Variants in PPP6R2 observed in about 807,000 individuals in gnomAD.
PPP6R2 encodes the protein protein phosphatase 6 regulatory subunit 2, also known as serine/threonine-protein phosphatase 6 regulatory subunit 2.
Under a neutral mutation model 100.2 loss-of-function variants are expected in PPP6R2, and 62 were observed. The observed-to-expected ratio is 0.62, with a 90% CI of 0.50 to 0.76. The LOEUF is 0.76. Among genes scored for constraint, PPP6R2 ranks in the 30% least tolerant of loss-of-function variants. The pLI, the probability that PPP6R2 is intolerant of heterozygous loss-of-function variation, is 0.00. For missense variants in PPP6R2, 1,142 were observed against 1,276.3 expected, an observed-to-expected ratio of 0.89 and a Z score of 1.60; for synonymous variants, 525 against 514.7, an observed-to-expected ratio of 1.02 and a Z score of -0.27.
At position 50,416,303 on chromosome 22, in the gene PPP6R2, A is replaced by G. The variant is rs970923563; in HGVS notation, c.618+146A>G. 36 of 645,872 alleles carry G rather than the reference A, an allele frequency of 5.6e-5. No homozygotes were observed. The Middle Eastern group carries it at 1.3e-3, about 24-fold the overall frequency. The allele number at this position is 645,872 out of a possible 1,614,324, so 40.0% of individuals were successfully genotyped here. ...TTAGGTACTTTTCTTTCTTTAATCA[A>G]GCACTGACTTCTAGGCTGGATTTTT... On this transcript the variant is annotated intron_variant, in intron 6 of 23. Coordinates refer to ENST00000612753, the MANE Select transcript of PPP6R2 (RefSeq NM_001242898.2).
intron 1 of PPP6R2, among the ~76,000 whole-genome samples, chr22:50,370,724 C>G (rs755145291): frequency 6.6e-6 from 1 of 151,882 alleles, no homozygotes; most frequent in African/African-American, 2.4e-5. Flanking sequence ...ACCTCTGCCT[C>G]CCGGGTTCAA....
intron 2 of PPP6R2, among the ~76,000 whole-genome samples, chr22:50,381,782 C>T (rs2053096376): frequency 6.6e-6 from 1 of 151,962 alleles, no homozygotes; most frequent in Non-Finnish European, 1.5e-5. Flanking sequence ...GTGGCGGGCT[C>T]CCGTAGTCCC....
intron 9 of PPP6R2, 35 bp downstream of exon 9, chr22:50,422,415 A>G: frequency 6.2e-7 from 1 of 1,609,592 alleles, no homozygotes; most frequent in Non-Finnish European, 8.5e-7. Context: ...GTGCCTTTGG[A>G]GGCGTCGCAG....
At chr22:50,357,314 G>C (rs180722556) in intron 1 of PPP6R2, among the ~76,000 whole-genome samples, 154 of 152,252 alleles carry the variant, frequency 1.0e-3, no homozygotes, top group African/African-American at 3.6e-3. Context: ...TACATACATA[G>C]TGAGGGGAGG....
chr22:50,361,486 A>G (rs1045744166), intron 1 of PPP6R2, among the ~76,000 whole-genome samples: 2 of 152,222 alleles, frequency 1.3e-5, no homozygotes, highest in East Asian at 1.9e-4. Context: ...CTGGAACCCT[A>G]AAGGCAGTTT....
At chr22:50,403,328 T>G (rs1239282302) in intron 3 of PPP6R2, among the ~76,000 whole-genome samples, 2 of 152,168 alleles carry the variant, frequency 1.3e-5, no homozygotes, top group Non-Finnish European at 2.9e-5. Flanking sequence ...TGTGACTTCC[T>G]CCCCCTGCCC....
At chr22:50,404,615 T>G (rs1364705358) in intron 3 of PPP6R2, among the ~76,000 whole-genome samples, 2 of 150,116 alleles carry the variant, frequency 1.3e-5, no homozygotes, top group Admixed American at 6.6e-5. Context: ...TTTTTTTTTT[T>G]TTGGAGAGAC....
At chr22:50,343,718 C>G (rs1478102209) in intron 1 of PPP6R2, among the ~76,000 whole-genome samples, 168 bp downstream of exon 1, 1 of 99,960 alleles carries the variant, frequency 1.0e-5, no homozygotes, top group Admixed American at 1.1e-4. Context: ...CAGTGCCCCC[C>G]CCAAGTCAGT....
intron 10 of PPP6R2, among the ~76,000 whole-genome samples, chr22:50,430,034 T>A (rs1249316726): frequency 6.6e-6 from 1 of 152,246 alleles, no homozygotes; most frequent in Non-Finnish European, 1.5e-5. Context: ...CATACAGTCC[T>A]CCTTCTCCAT....
At position 50,381,379 on chromosome 22, in the gene PPP6R2, AC is replaced by A. The variant is rs1327560981; in HGVS notation, c.-17+9231del. Among the ~76,000 whole-genome samples the A allele has an allele frequency of 3.1e-4, 21 of 67,412 alleles. 1 individual carries two copies. Among genetic ancestry groups the A allele is most frequent in the African/African-American group, 1.6e-3 (19 of 11,870 alleles). 44.2% of individuals were successfully genotyped at this position (67,412 alleles called of 152,430 possible). On this transcript the variant is annotated intron_variant, in intron 2 of 23. Coordinates refer to ENST00000612753, the MANE Select transcript of PPP6R2 (RefSeq NM_001242898.2). ...CCCACCTCAGCACCACACGGGCCCC[AC>A]CTCAGCATCACACGGGCCCCACCTC...
chr22:50,369,113 C>T (rs1263820829), intron 1 of PPP6R2, among the ~76,000 whole-genome samples: 1 of 151,952 alleles, frequency 6.6e-6, no homozygotes, highest in Non-Finnish European at 1.5e-5. Flanking sequence ...TGGTGCGTGC[C>T]TGCAATCCCA....
At chr22:50,346,509 G>GC (rs1183156956) in intron 1 of PPP6R2, among the ~76,000 whole-genome samples, 1 of 91,234 alleles carries the variant, frequency 1.1e-5, no homozygotes. Flanking sequence ...GTCAGTCAGT[G>GC]CCCCCCCAGT....
chr22:50,364,883 C>T (rs1341993597), intron 1 of PPP6R2, among the ~76,000 whole-genome samples: 3 of 152,020 alleles, frequency 2.0e-5, no homozygotes, highest in African/African-American at 7.3e-5. Flanking sequence ...AGCAGAAGTA[C>T]GGTGTATTCT....
intron 10 of PPP6R2, among the ~76,000 whole-genome samples, chr22:50,424,630 C>CTTT (rs1483954681): frequency 3.8e-4 from 38 of 101,284 alleles, no homozygotes; most frequent in East Asian, 2.7e-3. Context: ...TTTCCCTCTT[C>CTTT]TTCTTTTTTT....
At chr22:50,342,901 C>G (rs1042746138), upstream of PPP6R2, among the ~76,000 whole-genome samples, 3 of 152,116 alleles carry the variant, frequency 2.0e-5, no homozygotes, top group Non-Finnish European at 2.9e-5. Context: ...CTCGGGGCGT[C>G]CACGCCCCGC....
chr22:50,431,000 G>A (rs373325138), intron 10 of PPP6R2, among the ~76,000 whole-genome samples, 173 bp from the exon 11 acceptor site: 14 of 152,198 alleles, frequency 9.2e-5, no homozygotes, highest in African/African-American at 2.4e-4. Flanking sequence ...AAGAAGCTCC[G>A]TAATAGAGAG....
intron 1 of PPP6R2, among the ~76,000 whole-genome samples, chr22:50,352,874 C>A (rs2045636209): frequency 6.6e-6 from 1 of 151,986 alleles, no homozygotes; most frequent in East Asian, 1.9e-4. Flanking sequence ...TGAGACCAAC[C>A]TGAGTAATAC....
chr22:50,374,289 C>T (rs1422178307), intron 2 of PPP6R2, among the ~76,000 whole-genome samples: 3 of 152,076 alleles, frequency 2.0e-5, no homozygotes, highest in Non-Finnish European at 2.9e-5. Context: ...GAGACAAGAT[C>T]GTGCCGCTGC....
chr22:50,365,519 AAT>A (rs1361357631), intron 1 of PPP6R2, among the ~76,000 whole-genome samples: 3 of 151,862 alleles, frequency 2.0e-5, no homozygotes, highest in Non-Finnish European at 4.4e-5. Context: ...TCTACTAAAA[AAT>A]ACAAAAAATT....
Sources: allele counts gnomAD v4.1 joint callset (sites outside exome capture counted in the v4.1 genomes callset), GRCh38; gene constraint gnomAD v4.1.1; transcripts MANE v1.5; gene names NCBI Gene and HGNC (gene_info 2026-07-23, HGNC 2026-07-21).